AK4: variants seen among roughly 807,000 people sequenced by gnomAD.
The protein encoded by AK4 is adenylate kinase 4, also known as adenylate kinase 4, mitochondrial.
In AK4, 13 loss-of-function variants were observed where a neutral mutation model predicts 24.6. The observed-to-expected ratio is 0.53, with a 90% CI of 0.34 to 0.84. The LOEUF is 0.84. Among genes scored for constraint, AK4 ranks in the 40% least tolerant of loss-of-function variants. The probability of loss-of-function intolerance (pLI) is 0.01; values close to 1 mark genes in which losing one functional copy is unlikely to be tolerated. For synonymous variants in AK4, 88 were observed against 107.0 expected (o/e 0.82, Z 1.10); for missense variants, 192 against 288.2 (o/e 0.67, Z 2.42).
intron 1 of AK4, among the ~76,000 whole-genome samples, chr1:65,185,403 C>G (rs1197747941): frequency 6.6e-6 from 1 of 152,110 alleles, no homozygotes; most frequent in Non-Finnish European, 1.5e-5. Flanking sequence ...GTTCACGCTC[C>G]ATATCCTGCC....
In AK4 at chr1:65,167,412, A is replaced by G. The variant is rs559793378; in HGVS notation, c.145+18860A>G. On this transcript the variant is annotated intron_variant, in intron 1 of 4. Transcript: ENST00000327299. ...TTCCCAGTTTTCTTAAATGGTAACT[A>G]TAAATACTGTCTCAGGACATAATTT... is the stretch of plus-strand genomic sequence containing the variant. Among the ~76,000 whole-genome samples, 331 of 152,214 alleles carry G rather than the reference A, an allele frequency of 2.2e-3. 2 individuals are homozygous for G. Among genetic ancestry groups the G allele is most frequent in the Non-Finnish European group, 3.8e-3 (258 of 68,014 alleles).
rs1243848784 is a variant in AK4 at position 65,226,599 on chromosome 1, C to G, written c.*422C>G. Reference sequence around the variant, plus strand: ...GAAGCCTGAGAATGAATCCTGAGGGCTCTAGCCCAGGCTTTGTCCCAGGCT... The same window carrying G: ...GAAGCCTGAGAATGAATCCTGAGGGGTCTAGCCCAGGCTTTGTCCCAGGCT... On this transcript the variant is annotated 3_prime_UTR_variant, in exon 5 of 5. Coordinates refer to ENST00000327299, the MANE Select transcript of AK4 (RefSeq NM_013410.4). 6.3e-6 allele frequency: 1 copy of G among 157,730 alleles called. No individual in the cohort carries two copies. Among genetic ancestry groups the G allele is most frequent in the African/African-American group, 2.4e-5 (1 of 41,490 alleles). 9.8% of individuals were successfully genotyped at this position (157,730 alleles called of 1,614,324 possible).
rs191885013 is a variant in AK4, at chr1:65,159,843, C to T, written c.145+11291C>T. Among the ~76,000 whole-genome samples the T allele has an allele frequency of 1.3e-3, 203 of 151,920 alleles. 2 individuals carry two copies. Among genetic ancestry groups the T allele is most frequent in the African/African-American group, 4.2e-3 (172 of 41,424 alleles). ...ATTAGCTGGGCATGGTGGTGTGCGC[C>T]TGTAGTCCCAGCTACTCGAGAGGCT... On this transcript the variant is annotated intron_variant, in intron 1 of 4. Coordinates refer to ENST00000327299, the MANE Select transcript of AK4 (RefSeq NM_013410.4).
chr1:65,188,149 C>G (rs890809317), intron 1 of AK4, among the ~76,000 whole-genome samples: 2 of 152,118 alleles, frequency 1.3e-5, no homozygotes, highest in Admixed American at 6.6e-5. Context: ...AATCCCAGCA[C>G]TTTGGGAGGC....
intron 1 of AK4, among the ~76,000 whole-genome samples, chr1:65,158,863 C>CTT (rs1416812822): frequency 1.3e-5 from 2 of 152,118 alleles, no homozygotes; most frequent in Non-Finnish European, 2.9e-5. Flanking sequence ...TTGGATTACT[C>CTT]TGTGTATTTT....
intron 1 of AK4, among the ~76,000 whole-genome samples, chr1:65,178,678 A>C (rs760607608): frequency 1.3e-5 from 2 of 151,984 alleles, no homozygotes; most frequent in African/African-American, 2.4e-5. Context: ...CAGAAGCCCA[A>C]CTCCAGTGTG....
At chr1:65,183,683 GTGTGTGTGTGTA>G (rs1452814514) in intron 1 of AK4, among the ~76,000 whole-genome samples, 1 of 151,294 alleles carries the variant, frequency 6.6e-6, no homozygotes, top group Non-Finnish European at 1.5e-5. Flanking sequence ...GTGTGTGTGT[GTGTGTGTGTGTA>G]TGTATGTGTC....
chr1:65,197,044 C>A (rs1010455724), intron 2 of AK4, among the ~76,000 whole-genome samples: 1 of 152,216 alleles, frequency 6.6e-6, no homozygotes, highest in South Asian at 2.1e-4. Flanking sequence ...GAGAACAGCA[C>A]GGAAAAGACC....
rs1178124084 is a variant in AK4, at chr1:65,202,765, C to T, written c.265+11936C>T. Among the ~76,000 whole-genome samples the T allele has an allele frequency of 8.6e-5, 13 of 150,984 alleles. No individual in the cohort carries two copies. In the East Asian group the frequency reaches 2.0e-3, roughly 23 times the overall value. On this transcript the variant is annotated intron_variant, in intron 2 of 4. Transcript: ENST00000327299. ...TAATAATTATTGTGCACTTACAATG[C>T]ACAAACCATGATGCTAAGAAGACAT...
intron 1 of AK4, among the ~76,000 whole-genome samples, chr1:65,188,317 C>T (rs1215349503): frequency 6.6e-6 from 1 of 151,890 alleles, no homozygotes; most frequent in African/African-American, 2.4e-5. Context: ...ATCGCTTGAA[C>T]CCGGGAGGCA....
chr1:65,202,386 G>A (rs1651688490), intron 2 of AK4, among the ~76,000 whole-genome samples: 1 of 152,114 alleles, frequency 6.6e-6, no homozygotes, highest in Non-Finnish European at 1.5e-5. Flanking sequence ...AACTGAGTGA[G>A]ACTCCGTCTC....
intron 2 of AK4, among the ~76,000 whole-genome samples, chr1:65,204,752 C>G (rs977960402): frequency 6.6e-6 from 1 of 152,166 alleles, no homozygotes; most frequent in African/African-American, 2.4e-5. Context: ...CCTCCTCTTA[C>G]CCTTCATCTC....
Position 65,148,362 on chromosome 1 carries a change from C to T in AK4, c.-46C>T, listed in dbSNP as rs1300660574. The T allele has an allele frequency of 1.3e-6, 2 of 1,510,400 alleles. No homozygotes were observed. The highest frequency in any genetic ancestry group is 1.8e-6 in the Non-Finnish European group (2 of 1,131,010). 93.6% of individuals were successfully genotyped at this position (1,510,400 alleles called of 1,614,324 possible). On this transcript the variant is annotated 5_prime_UTR_variant, in exon 1 of 5. Coordinates refer to ENST00000327299, the MANE Select transcript of AK4 (RefSeq NM_013410.4). ...AAGTTCCCGGGGCTTCCTCCGGGGC[C>T]GCGGTCGGGGCTGCGCGTTTGACCG...
At chr1:65,166,969 T>C (rs1268110944) in intron 1 of AK4, among the ~76,000 whole-genome samples, 1 of 152,170 alleles carries the variant, frequency 6.6e-6, no homozygotes, top group East Asian at 1.9e-4. Context: ...CTGTCTCTAC[T>C]AAAAATACAA....
chr1:65,189,655 GCACA>G (rs71681774), intron 1 of AK4, among the ~76,000 whole-genome samples: 22 of 135,694 alleles, frequency 1.6e-4, no homozygotes, highest in African/African-American at 2.9e-4. Flanking sequence ...ACATACGCGT[GCACA>G]CACACACACA....
chr1:65,223,815 T>C (rs1005162518), intron 3 of AK4, among the ~76,000 whole-genome samples: 5 of 152,008 alleles, frequency 3.3e-5, no homozygotes, highest in Non-Finnish European at 7.4e-5. Flanking sequence ...ACCAACGTGG[T>C]GAACCACACT....
intron 2 of AK4, among the ~76,000 whole-genome samples, chr1:65,201,862 A>G (rs1279094313): frequency 6.6e-6 from 1 of 152,180 alleles, no homozygotes; most frequent in Non-Finnish European, 1.5e-5. Context: ...GAGGTATGAA[A>G]CAACATGGTG....
chr1:65,185,484 A>G (rs1017251489), intron 1 of AK4, among the ~76,000 whole-genome samples: 2 of 152,096 alleles, frequency 1.3e-5, no homozygotes, highest in African/African-American at 4.8e-5. Flanking sequence ...TTCCAGGTAT[A>G]CCAAAGGGCC....
chr1:65,210,434 C>T (rs140094536), intron 2 of AK4, among the ~76,000 whole-genome samples: 478 of 152,266 alleles, frequency 3.1e-3, no homozygotes, highest in Non-Finnish European at 5.2e-3. Context: ...CTCACCGTAC[C>T]CTCTGGAATC....
Sources: allele counts gnomAD v4.1 joint callset (sites outside exome capture counted in the v4.1 genomes callset), GRCh38; gene constraint gnomAD v4.1.1; transcripts MANE v1.5; gene names NCBI Gene and HGNC (gene_info 2026-07-23, HGNC 2026-07-21).